Variants in PMM2 observed in about 807,000 individuals in gnomAD.
PMM2 encodes the protein mannose-6-phosphate isomerase.
In PMM2, 35 loss-of-function variants were observed where a neutral mutation model predicts 33.2. The observed-to-expected ratio is 1.06, with a 90% CI of 0.81 to 1.40. PMM2 has a LOEUF of 1.40. Among genes scored for constraint, PMM2 ranks in the 40% most tolerant of loss-of-function variants. The pLI is 0.00. For synonymous variants in PMM2, 153 were observed against 114.7 expected (o/e 1.33, Z -2.13); for missense variants, 386 against 306.0 (o/e 1.26, Z -1.95).
chr16:8,830,162 C>T (rs1347294330), intron 7 of PMM2, among the ~76,000 whole-genome samples: 2 of 152,284 alleles, frequency 1.3e-5, no homozygotes, highest in South Asian at 2.1e-4. Context: ...AGCCCCCAGT[C>T]GAAGAGAACT....
At chr16:8,831,177 C>T (rs2060807546) in intron 7 of PMM2, among the ~76,000 whole-genome samples, 2 of 152,196 alleles carry the variant, frequency 1.3e-5, no homozygotes, top group Admixed American at 6.5e-5. Flanking sequence ...AAACTGAATT[C>T]CTCCCAAGGT....
Position 8,801,890 on chromosome 16 carries a change from A to G in PMM2, c.158A>G (p.Gln53Arg). The G allele has an allele frequency of 6.2e-7, 1 of 1,608,730 alleles. No homozygotes were observed. Among genetic ancestry groups the G allele is most frequent in the Non-Finnish European group, 8.5e-7 (1 of 1,175,614 alleles). Reference protein sequence around the residue: ...VVGGSDFEKVQEQLGNDVVEK... With the variant: ...VVGGSDFEKVREQLGNDVVEK... ...GGCGGATCGGACTTTGAGAAAGTGCAGGAGCAACTGGGAAATGATGGTAAA... is the reference window on the plus strand; with the variant it reads ...GGCGGATCGGACTTTGAGAAAGTGCGGGAGCAACTGGGAAATGATGGTAAA... The change falls in exon 2 of 8, where the codon CAG becomes CGG. Residue 53 changes from glutamine to arginine, a missense_variant. By Grantham distance (43) the Gln-to-Arg change is conservative (BLOSUM62 1). Transcript: ENST00000268261.
chr16:8,811,306 A>T, intron 5 of PMM2, 128 bp downstream of exon 5: 1 of 734,236 alleles, frequency 1.4e-6, no homozygotes, highest in Non-Finnish European at 2.4e-6. Context: ...ACTTGAGCCC[A>T]GGAGTTCAAG....
chr16:8,802,750 A>C (rs1567156993), intron 2 of PMM2, among the ~76,000 whole-genome samples: 1 of 151,896 alleles, frequency 6.6e-6, no homozygotes, highest in Non-Finnish European at 1.5e-5. Context: ...GAATTGCTTG[A>C]ACCCAGGAGG....
intron 7 of PMM2, among the ~76,000 whole-genome samples, chr16:8,816,654 T>C (rs1437633544): frequency 6.6e-6 from 1 of 151,940 alleles, no homozygotes; most frequent in Non-Finnish European, 1.5e-5. Context: ...GGCAGGAGAA[T>C]TGCTTGAACC....
In PMM2 at chr16:8,848,708, C is replaced by G. The variant is rs541977531; in HGVS notation, c.*883C>G. 6.6e-6 allele frequency: 1 copy of G among 152,382 alleles called. No homozygotes were observed. Among genetic ancestry groups the G allele is most frequent in the Non-Finnish European group, 1.5e-5 (1 of 68,090 alleles). The allele number at this position is 152,382 out of a possible 1,614,324, so 9.4% of individuals were successfully genotyped here. On this transcript the variant is annotated 3_prime_UTR_variant, in exon 8 of 8. Coordinates refer to ENST00000268261, the MANE Select transcript of PMM2 (RefSeq NM_000303.3). ...CTTTCTGGTTGCCCCTGGCTGGCTT[C>G]CTGGAGGCGTTCGCCTCTAGTTTCT...
At position 8,813,104 on chromosome 16, in the gene PMM2, C is replaced by T. The variant is rs1463322853; in HGVS notation, c.637C>T (p.Pro213Ser). The change falls in exon 7 of 8, where the codon CCA (proline) becomes TCA (serine). Residue 213 changes from proline (P) to serine (S), a missense_variant and splice_region_variant. By Grantham distance (74) the Pro-to-Ser change is moderately conservative. Transcript: ENST00000268261. The stretch of plus-strand genomic sequence containing the variant: ...TTATTTCTTTGGAGACAAAACTATG[C>T]CAGTAAGTAGAGAAGTGTTTGTGCA... ...TIYFFGDKTM[P>S]GGNDHEIFTD... 6.4e-7 allele frequency: 1 copy of T among 1,556,794 alleles called. No individual in the cohort carries two copies. Among genetic ancestry groups the T allele is most frequent in the Non-Finnish European group, 8.9e-7 (1 of 1,127,710 alleles).
chr16:8,845,938 G>A (rs185114136), intron 7 of PMM2, among the ~76,000 whole-genome samples: 9 of 151,872 alleles, frequency 5.9e-5, no homozygotes, highest in African/African-American at 1.9e-4. Context: ...CCCTATGTCC[G>A]AAGGAAAAAA....
At chr16:8,828,941 T>A (rs1185137852) in intron 7 of PMM2, among the ~76,000 whole-genome samples, 1 of 152,210 alleles carries the variant, frequency 6.6e-6, no homozygotes, top group Non-Finnish European at 1.5e-5. Context: ...GTGTGATTCA[T>A]CTGAGGCATG....
intron 7 of PMM2, among the ~76,000 whole-genome samples, chr16:8,830,427 T>C (rs1405071261): frequency 6.6e-6 from 1 of 152,136 alleles, no homozygotes; most frequent in Non-Finnish European, 1.5e-5. Flanking sequence ...TCTCCAAGAA[T>C]TTGGGGATTT....
chr16:8,827,729 TATATATATATATATATATATA>T (rs1199945331), intron 7 of PMM2, among the ~76,000 whole-genome samples: 19 of 13,680 alleles, frequency 1.4e-3, no homozygotes, highest in Non-Finnish European at 1.8e-3. Flanking sequence ...CATATATATA[TATATATATATATATATATATA>T]TATATATATA....
chr16:8,831,121 G>C (rs1432264251), intron 7 of PMM2, among the ~76,000 whole-genome samples: 1 of 152,126 alleles, frequency 6.6e-6, no homozygotes, highest in Non-Finnish European at 1.5e-5. Flanking sequence ...CTTGGTGACA[G>C]AGTGAGACTC....
intron 7 of PMM2, among the ~76,000 whole-genome samples, chr16:8,816,259 T>C (rs1371980668): frequency 6.6e-6 from 1 of 152,030 alleles, no homozygotes; most frequent in Non-Finnish European, 1.5e-5. Flanking sequence ...CCCGAGTAGC[T>C]GGGATTACAG....
rs767801194 is a variant in PMM2, at chr16:8,806,379, A to G, written c.319A>G (p.Ile107Val). Reference protein sequence around the residue: ...QDLINYCLSYIAKIKLPKKRG... With the variant: ...QDLINYCLSYVAKIKLPKKRG... ...TTTAATCAACTACTGTCTGAGCTAC[A>G]TTGCGAAAATTAAACTCCCGAAGAA... is the stretch of plus-strand genomic sequence containing the variant. Residue 107 changes from isoleucine to valine, a missense_variant, in exon 4 of 8, where the codon ATT (isoleucine) becomes GTT (valine). Coordinates refer to ENST00000268261, the MANE Select transcript of PMM2 (RefSeq NM_000303.3). 18 of 1,613,244 alleles carry G rather than the reference A, an allele frequency of 1.1e-5. No homozygotes were observed. The highest frequency in any genetic ancestry group is 8.3e-5 in the Admixed American group (5 of 60,022).
chr16:8,813,041 T>C lies in PMM2; in HGVS notation c.574T>C (p.Cys192Arg). ...TCCTGATGGATGGGACAAGAGATAC[T>C]GTCTGCGACATGTGGAAAATGACGG... ...VFPDGWDKRY[C>R]LRHVENDGYK... The change falls in exon 7 of 8, where the codon TGT becomes CGT. Residue 192 changes from cysteine (C) to arginine (R), a missense_variant. Physicochemically the swap from Cys to Arg is radical, Grantham distance 180 (BLOSUM62 -3). Coordinates refer to ENST00000268261, the MANE Select transcript of PMM2 (RefSeq NM_000303.3). 3 of 1,613,902 alleles carry C rather than the reference T, an allele frequency of 1.9e-6. No homozygotes were observed. Among genetic ancestry groups the C allele is most frequent in the South Asian group, 2.2e-5 (2 of 91,082 alleles).
intron 7 of PMM2, among the ~76,000 whole-genome samples, chr16:8,827,759 T>TATATATATATGC (rs1437300855): frequency 1.3e-5 from 1 of 75,318 alleles, no homozygotes; most frequent in Non-Finnish European, 2.6e-5. Flanking sequence ...TATATATATA[T>TATATATATATGC]ATGCACACAT....
At chr16:8,808,450 C>T (rs1421801787) in intron 4 of PMM2, 1 of 152,036 alleles carries the variant, frequency 6.6e-6, no homozygotes, top group African/African-American at 2.4e-5. Flanking sequence ...AGCCATAATT[C>T]CAGAACAGTA....
In PMM2 at chr16:8,848,895, A is replaced by C. The variant is rs911799363; in HGVS notation, c.*1070A>C. The C allele has an allele frequency of 6.6e-6, 1 of 152,232 alleles. No homozygotes were observed. Among genetic ancestry groups the C allele is most frequent in the African/African-American group, 2.4e-5 (1 of 41,446 alleles). The allele number at this position is 152,232 out of a possible 1,614,324, so 9.4% of individuals were successfully genotyped here. A position where few individuals can be genotyped will look rare whatever the true frequency, so the allele number is the denominator to read the frequency against. ...TTTCATCTTCTGCACGTTCTTCGTG[A>C]AACTGGAAGGATCCCGGGTCTCAGC... On this transcript the variant is annotated 3_prime_UTR_variant, in exon 8 of 8. Transcript: ENST00000268261.
Position 8,827,085 on chromosome 16 carries a change from A to C in PMM2, c.639+13979A>C, listed in dbSNP as rs372349670. Among the ~76,000 whole-genome samples, 64 of 152,316 alleles carry C rather than the reference A, an allele frequency of 4.2e-4. 1 individual carries two copies. Among genetic ancestry groups the C allele is most frequent in the African/African-American group, 1.5e-3 (64 of 41,568 alleles). On this transcript the variant is annotated intron_variant, in intron 7 of 7. Transcript: ENST00000268261. Reference sequence around the variant, plus strand: ...TGAAAAAGGCCAAGTAATGTGATTCAAAACAGAACAGAGCCTTAGATTTTG... The same window carrying C: ...TGAAAAAGGCCAAGTAATGTGATTCCAAACAGAACAGAGCCTTAGATTTTG...
Sources: allele counts gnomAD v4.1 joint callset (sites outside exome capture counted in the v4.1 genomes callset), GRCh38; gene constraint gnomAD v4.1.1; transcripts MANE v1.5; gene names NCBI Gene and HGNC (gene_info 2026-07-23, HGNC 2026-07-21).